WDPCP: variants seen among roughly 807,000 people sequenced by gnomAD.
WDPCP encodes WD repeat containing planar cell polarity effector, also known as WD repeat-containing and planar cell polarity effector protein fritz homolog.
Under a neutral mutation model 93.1 loss-of-function variants are expected in WDPCP, and 71 were observed. The observed-to-expected ratio is 0.76, with a 90% CI of 0.63 to 0.93. WDPCP has a LOEUF of 0.93. WDPCP is among the 40% of genes least tolerant of loss of function. The probability of loss-of-function intolerance (pLI) is 0.00; values close to 1 mark genes in which losing one functional copy is unlikely to be tolerated. For synonymous variants in WDPCP, 315 were observed against 315.0 expected, an observed-to-expected ratio of 1.00 and a Z score of 0.00; for missense variants, 844 against 887.4, an observed-to-expected ratio of 0.95 and a Z score of 0.62.
intron 3 of WDPCP, among the ~76,000 whole-genome samples, chr2:63,644,306 G>A (rs565776609): frequency 1.2e-4 from 18 of 145,046 alleles, no homozygotes; most frequent in South Asian, 2.2e-4. Flanking sequence ...ATGCAGTGGC[G>A]CAATCTCAGC....
At chr2:63,307,933 C>T (rs1685868920) in intron 13 of WDPCP, among the ~76,000 whole-genome samples, 1 of 152,144 alleles carries the variant, frequency 6.6e-6, no homozygotes. Context: ...TCAGAGTAAA[C>T]AGGCAACCTA....
At chr2:63,823,599 T>C (rs532720208) in intron 1 of WDPCP, among the ~76,000 whole-genome samples, 77 of 152,326 alleles carry the variant, frequency 5.1e-4, no homozygotes, top group African/African-American at 1.7e-3. Context: ...TAACATTTTG[T>C]TGTTTGTTTT....
intron 2 of WDPCP, chr2:63,752,339 GC>G: frequency 1.3e-6 from 1 of 792,176 alleles, no homozygotes; most frequent in East Asian, 2.5e-5. Flanking sequence ...AGTTAGGTGG[GC>G]ACCTGGTCTT....
chr2:63,712,592 C>T (rs1669278883), intron 2 of WDPCP, among the ~76,000 whole-genome samples: 1 of 152,172 alleles, frequency 6.6e-6, no homozygotes, highest in Non-Finnish European at 1.5e-5. Flanking sequence ...TTGAAGCCTG[C>T]AGCATCAGGC....
chr2:63,633,676 G>A (rs1348148698), intron 3 of WDPCP, among the ~76,000 whole-genome samples: 1 of 151,912 alleles, frequency 6.6e-6, no homozygotes, highest in Admixed American at 6.6e-5. Flanking sequence ...AAAGAAGGAA[G>A]AAAGGAACAA....
At chr2:63,429,978 C>T (rs1381112102) in intron 9 of WDPCP, among the ~76,000 whole-genome samples, 3 of 10,824 alleles carry the variant, frequency 2.8e-4, no homozygotes, top group East Asian at 0.029. Flanking sequence ...AAATGTTATA[C>T]ACACACACAC....
chr2:63,255,994 A>G (rs891651946), intron 14 of WDPCP, among the ~76,000 whole-genome samples: 6 of 152,216 alleles, frequency 3.9e-5, no homozygotes, highest in African/African-American at 1.2e-4. Context: ...GACCACTACT[A>G]TGAAAACTAC....
rs763246103 is a variant in WDPCP at position 63,434,796 on chromosome 2, C to T, written c.634-860G>A. Among the ~76,000 whole-genome samples the T allele has an allele frequency of 2.0e-5, 3 of 152,112 alleles. No individual in the cohort carries two copies. The East Asian group carries it at 5.8e-4, about 29-fold the overall frequency. On this transcript the variant is annotated intron_variant, in intron 8 of 17. Coordinates refer to ENST00000272321, the MANE Select transcript of WDPCP (RefSeq NM_015910.7). ...TCAGAGAAATGCTTCTGGAGCCAGT[C>T]TCACTACATGACAGATTGCTTTCAT...
At chr2:63,201,926 C>A (rs1023928647) in intron 14 of WDPCP, among the ~76,000 whole-genome samples, 1 of 151,900 alleles carries the variant, frequency 6.6e-6, no homozygotes, top group African/African-American at 2.4e-5. Context: ...TTTTGTGATT[C>A]ATTTTTCAAG....
In WDPCP at chr2:63,561,218, C is replaced by T. The variant is rs545380231; in HGVS notation, c.75+26979G>A. Among the ~76,000 whole-genome samples the T allele has an allele frequency of 2.7e-4, 41 of 152,296 alleles. 1 individual carries two copies. In the South Asian group the frequency reaches 8.5e-3, roughly 32 times the overall value. On this transcript the variant is annotated intron_variant, in intron 1 of 17. Coordinates refer to ENST00000272321, the MANE Select transcript of WDPCP (RefSeq NM_015910.7). Reference sequence around the variant, plus strand: ...TGCAGGCCAGGCACGGTGGCTCACGCCTCTAATCCCAGCACTTTGGGAGGC... The same window carrying T: ...TGCAGGCCAGGCACGGTGGCTCACGTCTCTAATCCCAGCACTTTGGGAGGC...
chr2:63,640,037 G>C (rs1709963798), intron 3 of WDPCP, among the ~76,000 whole-genome samples: 1 of 152,148 alleles, frequency 6.6e-6, no homozygotes, highest in Admixed American at 6.5e-5. Flanking sequence ...CTGAGACGGA[G>C]TCTCGCTGTC....
At chr2:63,552,852 A>G (rs1705784267) in intron 1 of WDPCP, among the ~76,000 whole-genome samples, 1 of 152,236 alleles carries the variant, frequency 6.6e-6, no homozygotes, top group Non-Finnish European at 1.5e-5. Context: ...AATAACAGAG[A>G]TAAGAGAATC....
chr2:63,177,646 A>G (rs1459666027), intron 14 of WDPCP, among the ~76,000 whole-genome samples: 1 of 152,134 alleles, frequency 6.6e-6, no homozygotes, highest in Non-Finnish European at 1.5e-5. Context: ...GGCTTGCTGC[A>G]TAGGAAATTA....
chr2:63,588,844 A>C, upstream of WDPCP: 3 of 677,890 alleles, frequency 4.4e-6, no homozygotes, highest in Non-Finnish European at 7.6e-6. Flanking sequence ...AGTGTAGTTC[A>C]ACACTTGAAG....
intron 1 of WDPCP, among the ~76,000 whole-genome samples, chr2:63,579,866 AGGTGG>A (rs1370029476): frequency 2.6e-5 from 4 of 152,198 alleles, no homozygotes; most frequent in Non-Finnish European, 2.9e-5. Context: ...TAGTATTAAA[AGGTGG>A]GGACTTTAAG....
chr2:63,534,699 T>C (rs991319709), intron 1 of WDPCP, among the ~76,000 whole-genome samples: 2 of 152,210 alleles, frequency 1.3e-5, no homozygotes, highest in African/African-American at 2.4e-5. Context: ...TAGGTATTCA[T>C]GGGACATATC....
chr2:63,585,288 A>C (rs941583710), intron 1 of WDPCP, among the ~76,000 whole-genome samples: 4 of 152,212 alleles, frequency 2.6e-5, no homozygotes, highest in African/African-American at 9.6e-5. Context: ...TATTCATTTT[A>C]AGAAATTACT....
At chr2:63,234,458 A>G (rs1679205122) in intron 14 of WDPCP, among the ~76,000 whole-genome samples, 1 of 152,186 alleles carries the variant, frequency 6.6e-6, no homozygotes, top group South Asian at 2.1e-4. Context: ...CATCTCTTAA[A>G]AAAATGATGC....
At chr2:63,599,759 T>C (rs1417023184) in intron 3 of WDPCP, 1 of 152,534 alleles carries the variant, frequency 6.6e-6, no homozygotes, top group Non-Finnish European at 1.5e-5. Flanking sequence ...TTTCATTTTA[T>C]GTCTTTTTAA....
Sources: allele counts gnomAD v4.1 joint callset (sites outside exome capture counted in the v4.1 genomes callset), GRCh38; gene constraint gnomAD v4.1.1; transcripts MANE v1.5; gene names NCBI Gene and HGNC (gene_info 2026-07-23, HGNC 2026-07-21).